Variants in AP2B1 observed in about 807,000 individuals in gnomAD.
AP2B1 encodes AP-2 complex subunit beta.
A neutral mutation model predicts 102.0 loss-of-function variants in AP2B1; 23 were observed. That is an observed-to-expected ratio of 0.23 (90% CI 0.16 to 0.32). The LOEUF is 0.32. Ranked by LOEUF, AP2B1 falls within the 10% of genes least tolerant of loss-of-function variation. The pLI is 1.00. For missense variants in AP2B1, 541 were observed against 1,157.4 expected (o/e 0.47, Z 7.73); for synonymous variants, 381 against 421.2 (o/e 0.90, Z 1.17).
intron 18 of AP2B1, among the ~76,000 whole-genome samples, chr17:35,687,262 C>G (rs996183579): frequency 6.6e-6 from 1 of 152,060 alleles, no homozygotes; most frequent in Admixed American, 6.6e-5. Context: ...CAGGAGCACA[C>G]CACTACACCC....
chr17:35,653,496 C>T (rs1406775660), intron 13 of AP2B1, among the ~76,000 whole-genome samples: 2 of 152,030 alleles, frequency 1.3e-5, no homozygotes, highest in Non-Finnish European at 2.9e-5. Context: ...GTTTTTGAGA[C>T]GGACTGTCAT....
intron 18 of AP2B1, among the ~76,000 whole-genome samples, chr17:35,695,245 A>G (rs76035033): frequency 1.7e-3 from 262 of 152,286 alleles, no homozygotes; most frequent in African/African-American, 6.2e-3. Context: ...TGATCAATAT[A>G]GTATCACAGG....
chr17:35,605,276 C>T (rs1264628447), intron 3 of AP2B1, among the ~76,000 whole-genome samples: 1 of 143,008 alleles, frequency 7.0e-6, no homozygotes, highest in Non-Finnish European at 1.5e-5. Context: ...ACACAGGAGT[C>T]TCGCTCTTGT....
intron 18 of AP2B1, 104 bp from the exon 19 acceptor site, chr17:35,709,120 A>G (rs1230529855): frequency 1.2e-5 from 11 of 955,260 alleles, no homozygotes; most frequent in Non-Finnish European, 1.8e-5. Flanking sequence ...ACTGAGAGAA[A>G]GAGGAAGGAA....
At chr17:35,633,391 A>G (rs1025212196) in intron 9 of AP2B1, among the ~76,000 whole-genome samples, 1 of 151,192 alleles carries the variant, frequency 6.6e-6, no homozygotes, top group Non-Finnish European at 1.5e-5. Context: ...GAATCATTTC[A>G]TGGTACAACA....
intron 18 of AP2B1, among the ~76,000 whole-genome samples, chr17:35,705,195 A>G (rs1447348133): frequency 1.3e-5 from 2 of 152,210 alleles, no homozygotes; most frequent in African/African-American, 2.4e-5. Context: ...AAATGAACCC[A>G]GTTCTAGCCT....
At chr17:35,689,443 A>G (rs587702496) in intron 18 of AP2B1, among the ~76,000 whole-genome samples, 1 of 152,178 alleles carries the variant, frequency 6.6e-6, no homozygotes, top group Admixed American at 6.5e-5. Flanking sequence ...GATTACAGGT[A>G]TGAGCTACCA....
intron 3 of AP2B1, among the ~76,000 whole-genome samples, chr17:35,604,052 A>G (rs531826021): frequency 6.6e-6 from 1 of 152,232 alleles, no homozygotes; most frequent in African/African-American, 2.4e-5. Flanking sequence ...ACCCAATGAG[A>G]GAAACCATGT....
At position 35,682,843 on chromosome 17, in the gene AP2B1, T is replaced by A; in HGVS notation, c.2454+19T>A. On this transcript the variant is annotated intron_variant, in intron 18 of 21. Coordinates refer to ENST00000610402, the MANE Select transcript of AP2B1 (RefSeq NM_001030006.2). ...CCTCCAGGTCAGAGATTTACTTCAC[T>A]CAGGTGGTACAAGTTAATATCTTGA... 6.2e-7 allele frequency: 1 copy of A among 1,602,178 alleles called. No individual in the cohort carries two copies.
At chr17:35,632,540 G>A (rs369819667) in intron 9 of AP2B1, among the ~76,000 whole-genome samples, 44 of 152,048 alleles carry the variant, frequency 2.9e-4, no homozygotes, top group African/African-American at 1.1e-3. Context: ...TTTCCTTACT[G>A]TTATGAAATG....
intron 3 of AP2B1, among the ~76,000 whole-genome samples, chr17:35,603,178 G>A (rs1324890775): frequency 6.6e-6 from 1 of 152,174 alleles, no homozygotes; most frequent in African/African-American, 2.4e-5. Flanking sequence ...TATATACCCT[G>A]TGACCAGCTA....
At chr17:35,628,459 T>G (rs1468898875) in intron 9 of AP2B1, among the ~76,000 whole-genome samples, 2 of 152,162 alleles carry the variant, frequency 1.3e-5, no homozygotes, top group Non-Finnish European at 2.9e-5. Context: ...TTAAGTTAGC[T>G]GGGTGTGGTG....
At chr17:35,664,591 C>CAT (rs753946653) in intron 14 of AP2B1, among the ~76,000 whole-genome samples, 2 of 152,024 alleles carry the variant, frequency 1.3e-5, no homozygotes, top group South Asian at 2.1e-4. Context: ...TGCCAGTAGC[C>CAT]ATATATATAT....
intron 21 of AP2B1, among the ~76,000 whole-genome samples, chr17:35,720,547 A>T (rs78447443): frequency 0.02 from 808 of 40,344 alleles, 3 homozygotes; most frequent in Non-Finnish European, 0.029. Context: ...TATTTTATTT[A>T]TATATATATA....
chr17:35,626,724 T>G lies in AP2B1; in HGVS notation c.820T>G (p.Ser274Ala). ...GTTTCTAGAATTGTTACCTAAGGAT[T>G]CTGACTACTACAATATGCTGCTGAA... is the stretch of plus-strand genomic sequence containing the variant. The part of the protein sequence containing the change: ...MKFLELLPKD[S>A]DYYNMLLKKL... Residue 274 changes from serine to alanine, a missense_variant, in exon 7 of 22, where the codon TCT (serine) becomes GCT (alanine). This residue lies in a region of AP2B1 where 134 missense variants were observed against 250.2 expected (regional missense o/e 0.54). Coordinates refer to ENST00000610402, the MANE Select transcript of AP2B1 (RefSeq NM_001030006.2). The G allele has an allele frequency of 6.2e-7, 1 of 1,613,992 alleles. No homozygotes were observed. The highest frequency in any genetic ancestry group is 8.5e-7 in the Non-Finnish European group (1 of 1,179,992).
chr17:35,693,645 A>G (rs1273840511), intron 18 of AP2B1, among the ~76,000 whole-genome samples: 1 of 152,136 alleles, frequency 6.6e-6, no homozygotes, highest in East Asian at 1.9e-4. Flanking sequence ...AATATTATCT[A>G]ATCACTTTTG....
chr17:35,688,016 A>G (rs1465808260), intron 18 of AP2B1, among the ~76,000 whole-genome samples: 1 of 152,190 alleles, frequency 6.6e-6, no homozygotes, highest in African/African-American at 2.4e-5. Flanking sequence ...CAGACCCTTC[A>G]AAGTATACTA....
chr17:35,711,294 C>T (rs1555587359), intron 20 of AP2B1, among the ~76,000 whole-genome samples: 1 of 152,064 alleles, frequency 6.6e-6, no homozygotes, highest in Non-Finnish European at 1.5e-5. Context: ...ATTTACCCCT[C>T]ATTTACTCCT....
intron 3 of AP2B1, among the ~76,000 whole-genome samples, chr17:35,604,075 CATAAA>C (rs1237088514): frequency 4.6e-5 from 7 of 151,994 alleles, no homozygotes; most frequent in Non-Finnish European, 2.9e-5. Context: ...GCTTTTTGTA[CATAAA>C]ATAAATATTT....
Sources: gnomAD v4.1 joint callset for allele counts (sites outside exome capture counted in the v4.1 genomes callset) on GRCh38, gnomAD v4.1.1 for gene constraint, gnomAD v4.1.1 regional missense constraint, MANE v1.5 for transcripts, NCBI Gene and HGNC (gene_info 2026-07-23, HGNC 2026-07-21) for gene names.